Variants in PPP2R2D observed in about 807,000 individuals in gnomAD.
PPP2R2D encodes the protein serine/threonine-protein phosphatase 2A 55 kDa regulatory subunit B delta isoform.
PPP2R2D carries 9 observed loss-of-function variants against 31.1 expected under a neutral mutation model. The observed-to-expected ratio is 0.29, with a 90% CI of 0.17 to 0.51. PPP2R2D has a LOEUF of 0.51. PPP2R2D is among the 20% of genes least tolerant of loss of function. The probability of loss-of-function intolerance (pLI) is 0.98; values close to 1 mark genes in which losing one functional copy is unlikely to be tolerated. For missense variants in PPP2R2D, 391 were observed against 465.6 expected (o/e 0.84, Z 1.48); for synonymous variants, 179 against 172.6 (o/e 1.04, Z -0.29).
chr10:131,947,432 A>G lies in PPP2R2D; in HGVS notation c.821-98A>G. The G allele has an allele frequency of 7.6e-7, 1 of 1,309,452 alleles. No individual in the cohort carries two copies. The highest frequency in any genetic ancestry group is 1.0e-6 in the Non-Finnish European group (1 of 960,716). The allele number at this position is 1,309,452 out of a possible 1,614,324, so 81.1% of individuals were successfully genotyped here. ...CCTAGTGTTGAGGCCAAGCCCTTCCAGAGTCTCTCTGAAGGGGCCACTTCC... is the reference window on the plus strand; with the variant it reads ...CCTAGTGTTGAGGCCAAGCCCTTCCGGAGTCTCTCTGAAGGGGCCACTTCC... On this transcript the variant is annotated intron_variant, in intron 7 of 8. Coordinates refer to ENST00000455566, the MANE Select transcript of PPP2R2D (RefSeq NM_018461.5). This position sits in a 1 kb window ranked among gnomAD's most constrained non-coding sequence, Gnocchi z 4.3.
chr10:131,911,988 C>G (rs998109275), intron 2 of PPP2R2D: 1 of 152,236 alleles, frequency 6.6e-6, no homozygotes, highest in African/African-American at 2.4e-5. Flanking sequence ...CTTCATCCCA[C>G]TGCTGTCCTG....
In PPP2R2D at chr10:131,959,462, C is replaced by T. The variant is rs909466457; in HGVS notation, c.*3499C>T. Reference sequence around the variant, plus strand: ...GGAGATGAAGGCGTGTGCTGATCCCCGGTCCCCCTGTGGAGATGAAGGTGT... The same window carrying T: ...GGAGATGAAGGCGTGTGCTGATCCCTGGTCCCCCTGTGGAGATGAAGGTGT... On this transcript the variant is annotated 3_prime_UTR_variant, in exon 9 of 9. Transcript: ENST00000455566. The T allele has an allele frequency of 6.5e-6, 1 of 153,910 alleles. No individual in the cohort carries two copies. Among genetic ancestry groups the T allele is most frequent in the South Asian group, 1.7e-4 (1 of 5,930 alleles). 9.5% of individuals were successfully genotyped at this position (153,910 alleles called of 1,614,324 possible).
At chr10:131,951,490 A>G (rs183862761) in intron 8 of PPP2R2D, among the ~76,000 whole-genome samples, 127 of 152,378 alleles carry the variant, frequency 8.3e-4, no homozygotes, top group Non-Finnish European at 1.3e-3. Flanking sequence ...AATGACATAC[A>G]ACATGTTTAA....
intron 2 of PPP2R2D, among the ~76,000 whole-genome samples, chr10:131,918,455 G>A (rs1336023642): frequency 1.3e-5 from 2 of 148,646 alleles, no homozygotes; most frequent in Non-Finnish European, 3.0e-5. Flanking sequence ...GACCTCACAC[G>A]GGTGGAGTGA....
chr10:131,945,389 C>T lies in PPP2R2D; in HGVS notation c.750C>T (p.Tyr250=), dbSNP rs782618045. 23 of 1,614,232 alleles carry T rather than the reference C, an allele frequency of 1.4e-5. 1 individual carries two copies. In the South Asian group the frequency reaches 2.2e-4, roughly 15 times the overall value. The part of the protein sequence containing the change: ...FHPHQCNVFV[Y]SSSKGTIRLC... ...CGCACCAGTGCAACGTGTTCGTCTA[C>T]AGCAGTAGCAAAGGGACCATCCGCC... Residue 250 remains tyrosine (Y), a synonymous_variant, in exon 7 of 9, where the codon TAC becomes TAT. Transcript: ENST00000455566. The surrounding 1 kb of genome is among the most constrained non-coding windows in gnomAD (Gnocchi z 4.8).
chr10:131,901,773 G>A (rs1326645363), intron 2 of PPP2R2D, among the ~76,000 whole-genome samples: 1 of 152,048 alleles, frequency 6.6e-6, no homozygotes, highest in Non-Finnish European at 1.5e-5. Context: ...CCTAGGGCTG[G>A]GTCGGGGCCT....
At chr10:131,909,280 G>T (rs982748132) in intron 2 of PPP2R2D, among the ~76,000 whole-genome samples, 2 of 152,194 alleles carry the variant, frequency 1.3e-5, no homozygotes, top group Admixed American at 1.3e-4. Context: ...GACTTGAATC[G>T]TGTGCTCAGG....
intron 2 of PPP2R2D, among the ~76,000 whole-genome samples, chr10:131,909,608 C>T (rs1008494165): frequency 2.6e-5 from 4 of 152,202 alleles, no homozygotes; most frequent in Non-Finnish European, 5.9e-5. Flanking sequence ...GGCTCTGTGC[C>T]CTGCTTCCAC....
In PPP2R2D at chr10:131,925,876, C is replaced by T. The variant is rs117100721; in HGVS notation, c.101-8582C>T. 9.4e-4 allele frequency among the ~76,000 whole-genome samples: 143 copies of T among 152,310 alleles called. 2 individuals carry two copies. In the East Asian group the frequency reaches 0.018, roughly 19 times the overall value. ...GGCCACCACGCAGAGGTTGAAGAAGCCAGGCCCCTCCCCAGCATAAGGTGC... is the reference window on the plus strand; with the variant it reads ...GGCCACCACGCAGAGGTTGAAGAAGTCAGGCCCCTCCCCAGCATAAGGTGC... On this transcript the variant is annotated intron_variant, in intron 2 of 8. Transcript: ENST00000455566.
chr10:131,927,627 C>T (rs531066108), intron 2 of PPP2R2D, among the ~76,000 whole-genome samples: 1 of 152,234 alleles, frequency 6.6e-6, no homozygotes, highest in African/African-American at 2.4e-5. Context: ...AGCACGTTGC[C>T]AGGACGCCAG....
downstream of PPP2R2D, among the ~76,000 whole-genome samples, chr10:131,964,628 A>G (rs1263824109): frequency 6.7e-6 from 1 of 150,360 alleles, no homozygotes; most frequent in Non-Finnish European, 1.5e-5. Flanking sequence ...AGGATTGCCA[A>G]CCCATGGAAA....
chr10:131,970,591 C>T, the PPP2R2D span: 18 of 1,595,482 alleles, frequency 1.1e-5, no homozygotes, highest in Non-Finnish European at 1.5e-5. The surrounding 1 kb of genome is among the most constrained non-coding windows in gnomAD (Gnocchi z 4.1). Context: ...AACCCAGAAT[C>T]GCCCCACGAC....
intron 2 of PPP2R2D, among the ~76,000 whole-genome samples, chr10:131,925,566 A>T (rs1344918205): frequency 6.6e-6 from 1 of 152,178 alleles, no homozygotes; most frequent in Non-Finnish European, 1.5e-5. Flanking sequence ...TGACTTCTGT[A>T]TTTTAGAATA....
chr10:131,955,191 G>C (rs1435830711), intron 8 of PPP2R2D, among the ~76,000 whole-genome samples: 2 of 152,078 alleles, frequency 1.3e-5, no homozygotes, highest in Non-Finnish European at 2.9e-5. Context: ...TTTGCCCAGT[G>C]GATTTTTACT....
At chr10:131,918,339 G>C (rs1167168566) in intron 2 of PPP2R2D, among the ~76,000 whole-genome samples, 5 of 149,346 alleles carry the variant, frequency 3.3e-5, no homozygotes, top group Admixed American at 6.6e-5. Context: ...AGTGTTTGTA[G>C]GGACCTCAGG....
intron 2 of PPP2R2D, among the ~76,000 whole-genome samples, chr10:131,928,511 A>G (rs1236826655): frequency 6.6e-6 from 1 of 152,212 alleles, no homozygotes; most frequent in East Asian, 1.9e-4. Flanking sequence ...TGATTGTGGT[A>G]CTTGGGTATT....
the PPP2R2D span, chr10:131,968,617 A>AGAC: frequency 4.0e-6 from 6 of 1,507,144 alleles, no homozygotes; most frequent in African/African-American, 8.3e-5. Context: ...GATTCACAGG[A>AGAC]GACTGTGTTA....
intron 2 of PPP2R2D, among the ~76,000 whole-genome samples, chr10:131,933,472 G>A (rs1238006791): frequency 2.6e-5 from 4 of 152,164 alleles, no homozygotes; most frequent in Admixed American, 6.5e-5. Context: ...AGGCGAGCTT[G>A]TAGTGTTCTA....
chr10:131,924,635 T>G (rs1411815226), intron 2 of PPP2R2D, among the ~76,000 whole-genome samples: 3 of 152,100 alleles, frequency 2.0e-5, no homozygotes, highest in African/African-American at 7.2e-5. Context: ...AAAGATCATT[T>G]TGGCTATTCT....
Sources: allele counts gnomAD v4.1 joint callset (sites outside exome capture counted in the v4.1 genomes callset), GRCh38; gene constraint gnomAD v4.1.1; non-coding constraint Gnocchi (gnomAD v3.1); transcripts MANE v1.5; gene names NCBI Gene and HGNC (gene_info 2026-07-23, HGNC 2026-07-21).